PCDHAC2: variants seen among roughly 807,000 people sequenced by gnomAD.
The protein encoded by PCDHAC2 is protocadherin alpha subfamily C, 2, also known as protocadherin alpha-C2.
A neutral mutation model predicts 63.3 loss-of-function variants in PCDHAC2; 24 were observed. The ratio of observed to expected loss-of-function variants is 0.38; its 90% CI spans 0.27 to 0.53. PCDHAC2 has a LOEUF of 0.53. Among genes scored for constraint, PCDHAC2 ranks in the 20% least tolerant of loss-of-function variants. PCDHAC2 has a pLI of 0.81. For synonymous variants in PCDHAC2, 569 were observed against 529.4 expected, an observed-to-expected ratio of 1.07 and a Z score of -1.03; for missense variants, 1,181 against 1,275.2, an observed-to-expected ratio of 0.93 and a Z score of 1.12.
chr5:140,967,992 C>T lies in PCDHAC2; in HGVS notation c.1226C>T (p.Pro409Leu). The T allele has an allele frequency of 1.2e-6, 2 of 1,614,250 alleles. No individual in the cohort carries two copies. The highest frequency in any genetic ancestry group is 1.7e-6 in the Non-Finnish European group (2 of 1,180,044). Residue 409 changes from proline to leucine, a missense_variant, in exon 1 of 4, where the codon CCT (proline) becomes CTT (leucine). Pro to Leu is a moderately conservative substitution (Grantham distance 98). Around this residue, in one of 3 missense-constraint regions of PCDHAC2, gnomAD observed 968 missense variants for 1,073.5 expected, o/e 0.90. Transcript: ENST00000289269. ...AGCCTGGGTCTGGAGGCCACACTGC[C>T]TTTCCGACTGAATGGCTTTGGAAAC... is the stretch of plus-strand genomic sequence containing the variant. The part of the protein sequence containing the change: ...KVSLGLEATL[P>L]FRLNGFGNSY...
At chr5:140,980,494 A>T (rs868915196) in intron 2 of PCDHAC2, among the ~76,000 whole-genome samples, 1 of 152,106 alleles carries the variant, frequency 6.6e-6, no homozygotes, top group African/African-American at 2.4e-5. Context: ...GCTGGGCGTG[A>T]TGGCATGTGC....
In PCDHAC2 at chr5:140,967,997, C is replaced by T. The variant is rs551685820; in HGVS notation, c.1231C>T (p.Arg411Ter). 1 of 1,614,102 alleles carries T rather than the reference C, an allele frequency of 6.2e-7. No individual in the cohort carries two copies. Among genetic ancestry groups the T allele is most frequent in the Non-Finnish European group, 8.5e-7 (1 of 1,180,052 alleles). ...SLGLEATLPF[R>*]LNGFGNSYTL... The stretch of plus-strand genomic sequence containing the variant: ...GGGTCTGGAGGCCACACTGCCTTTC[C>T]GACTGAATGGCTTTGGAAACTCCTA... The change falls in exon 1 of 4, where the codon CGA becomes TGA. Residue 411 changes from arginine (R) to a stop codon, truncating the protein, a stop_gained. Transcript: ENST00000289269. LOFTEE classifies it high-confidence loss of function.
At position 140,967,006 on chromosome 5, in the gene PCDHAC2, C is replaced by G; in HGVS notation, c.240C>G (p.Asn80Lys). Reference protein sequence around the residue: ...RRLGPGCLRINHLGAPSPRYL... With the variant: ...RRLGPGCLRIKHLGAPSPRYL... ...TGGGGCCGGGTTGCTTGCGCATCAA[C>G]CATCTGGGTGCGCCCAGTCCGCGCT... Residue 80 changes from asparagine to lysine, a missense_variant, in exon 1 of 4, where the codon AAC becomes AAG. Around this residue, in one of 3 missense-constraint regions of PCDHAC2, gnomAD observed 210 missense variants for 184.9 expected, o/e 1.14. Transcript: ENST00000289269. 1 of 1,605,750 alleles carries G rather than the reference C, an allele frequency of 6.2e-7. No homozygotes were observed. Among genetic ancestry groups the G allele is most frequent in the Non-Finnish European group, 8.5e-7 (1 of 1,177,470 alleles).
chr5:140,975,578 C>T (rs2096673039), intron 1 of PCDHAC2, among the ~76,000 whole-genome samples: 2 of 152,232 alleles, frequency 1.3e-5, no homozygotes, highest in Non-Finnish European at 2.9e-5. Flanking sequence ...TATGCAGTCT[C>T]ATGTCCCAGA....
At chr5:141,000,395 CTA>C (rs1190667031) in intron 3 of PCDHAC2, among the ~76,000 whole-genome samples, 91 of 53,954 alleles carry the variant, frequency 1.7e-3, no homozygotes, top group Admixed American at 3.8e-3. Flanking sequence ...CTCTCTCTCT[CTA>C]TATATATATA....
rs144585858 is a variant in PCDHAC2 at position 140,984,129 on chromosome 5, G to A, written c.2713+1566G>A. On this transcript the variant is annotated intron_variant, in intron 3 of 3. Transcript: ENST00000289269. The stretch of plus-strand genomic sequence containing the variant: ...GGTTTTAGACTGCCAAGTGTTGCAG[G>A]ATGTGGAGGCATCTGGGAAGGTGAG... 1.3e-3 allele frequency among the ~76,000 whole-genome samples: 205 copies of A among 152,236 alleles called. 1 individual carries two copies. Among genetic ancestry groups the A allele is most frequent in the Non-Finnish European group, 2.6e-3 (175 of 68,046 alleles).
At chr5:140,977,140 G>A (rs2096748068) in intron 1 of PCDHAC2, among the ~76,000 whole-genome samples, 1 of 152,202 alleles carries the variant, frequency 6.6e-6, no homozygotes, top group Non-Finnish European at 1.5e-5. Context: ...GGTCAGTCCT[G>A]CTGGAACTGT....
At chr5:140,973,984 C>CT (rs2096610197) in intron 1 of PCDHAC2, among the ~76,000 whole-genome samples, 1 of 152,186 alleles carries the variant, frequency 6.6e-6, no homozygotes, top group East Asian at 1.9e-4. Flanking sequence ...TTTTACAGAA[C>CT]TTCACCTGGA....
intron 2 of PCDHAC2, among the ~76,000 whole-genome samples, chr5:140,980,886 C>T (rs2096909899): frequency 6.6e-6 from 1 of 152,062 alleles, no homozygotes; most frequent in South Asian, 2.1e-4. Context: ...TCGGTCTTTC[C>T]AGTCTTGGAC....
intron 3 of PCDHAC2, among the ~76,000 whole-genome samples, chr5:140,986,632 A>T (rs1262339478): frequency 6.6e-6 from 1 of 152,170 alleles, no homozygotes; most frequent in African/African-American, 2.4e-5. Flanking sequence ...AGGCAACAGT[A>T]CATTAGTTTT....
chr5:141,009,533 G>T (rs1410740655), intron 3 of PCDHAC2, 94 bp from the exon 4 acceptor site: 1 of 1,509,328 alleles, frequency 6.6e-7, no homozygotes, highest in African/African-American at 1.4e-5. Context: ...GGGAGGTTCA[G>T]CCTGCCTATG....
intron 3 of PCDHAC2, among the ~76,000 whole-genome samples, chr5:140,986,380 G>T (rs1554247980): frequency 6.6e-6 from 1 of 152,130 alleles, no homozygotes; most frequent in African/African-American, 2.4e-5. Flanking sequence ...TGGGGGGAGG[G>T]ACATTAAAGG....
intron 3 of PCDHAC2, among the ~76,000 whole-genome samples, chr5:140,986,398 G>A (rs973049448): frequency 7.2e-5 from 11 of 152,174 alleles, no homozygotes; most frequent in African/African-American, 2.4e-4. Flanking sequence ...AGGGCCAGTC[G>A]CTCATGTTAC....
At chr5:141,006,215 TA>T (rs200576602) in intron 3 of PCDHAC2, among the ~76,000 whole-genome samples, 4 of 151,640 alleles carry the variant, frequency 2.6e-5, no homozygotes, top group South Asian at 2.1e-4. Flanking sequence ...CATTTTTTTT[TA>T]AATTTTTTAT....
rs555659207 is a variant in PCDHAC2, at chr5:140,967,475, C to A, written c.709C>A (p.Arg237Ser). 2.5e-6 allele frequency: 4 copies of A among 1,613,342 alleles called. No homozygotes were observed. In the East Asian group the frequency reaches 8.9e-5, roughly 36 times the overall value. The change falls in exon 1 of 4, where the codon CGC becomes AGC. Residue 237 changes from arginine (R) to serine (S), a missense_variant. Physicochemically the swap from Arg to Ser is moderately radical, Grantham distance 110 (BLOSUM62 -1). Around this residue, in one of 3 missense-constraint regions of PCDHAC2, gnomAD observed 968 missense variants for 1,073.5 expected, o/e 0.90. Coordinates refer to ENST00000289269, the MANE Select transcript of PCDHAC2 (RefSeq NM_018899.6). ...AGCCGTGGATGGGGGCATCCCAGCC[C>A]GCTCGGGTACGGCACAGATCTCTGT... ...LTAVDGGIPA[R>S]SGTAQISVRV... is the part of the protein sequence containing the mutation.
intron 3 of PCDHAC2, among the ~76,000 whole-genome samples, chr5:140,995,324 G>C (rs1290299693): frequency 1.3e-5 from 2 of 152,190 alleles, no homozygotes; most frequent in Non-Finnish European, 2.9e-5. Context: ...GAACTAACAG[G>C]TGAGTAGTGT....
At chr5:140,974,284 G>C (rs1409183152) in intron 1 of PCDHAC2, among the ~76,000 whole-genome samples, 2 of 152,092 alleles carry the variant, frequency 1.3e-5, no homozygotes, top group Non-Finnish European at 2.9e-5. Flanking sequence ...CAGAACTCTG[G>C]GCTCCAAGGA....
At chr5:140,979,486 C>T (rs1222755275) in intron 2 of PCDHAC2, among the ~76,000 whole-genome samples, 1 of 152,032 alleles carries the variant, frequency 6.6e-6, no homozygotes, top group African/African-American at 2.4e-5. Flanking sequence ...TGTGTTCACA[C>T]CTATTAGAGC....
At chr5:141,000,223 G>A (rs1190945878) in intron 3 of PCDHAC2, among the ~76,000 whole-genome samples, 2 of 151,642 alleles carry the variant, frequency 1.3e-5, no homozygotes, top group African/African-American at 4.8e-5. Flanking sequence ...AAATGCCTGT[G>A]TGGAGCTGAA....
Sources: allele counts gnomAD v4.1 joint callset (sites outside exome capture counted in the v4.1 genomes callset), GRCh38; gene constraint gnomAD v4.1.1; regional missense constraint gnomAD v4.1.1; transcripts MANE v1.5; gene names NCBI Gene and HGNC (gene_info 2026-07-23, HGNC 2026-07-21).